SLCO3A1: variants seen among roughly 807,000 people sequenced by gnomAD.
SLCO3A1 encodes PGE1 transporter.
A neutral mutation model predicts 63.1 loss-of-function variants in SLCO3A1; 27 were observed. The observed-to-expected ratio is 0.43, with a 90% CI of 0.32 to 0.59. The LOEUF (loss-of-function observed/expected upper bound fraction) is 0.59, where lower values mean the gene tolerates loss of function less well. Ranked by LOEUF, SLCO3A1 falls within the 20% of genes least tolerant of loss-of-function variation. The pLI is 0.09. For synonymous variants in SLCO3A1, 473 were observed against 409.9 expected (o/e 1.15, Z -1.86); for missense variants, 773 against 945.8 (o/e 0.82, Z 2.40).
At position 91,854,170 on chromosome 15, in the gene SLCO3A1, C is replaced by G. The variant is rs1249882288; in HGVS notation, c.180+82C>G. 1 of 1,246,040 alleles carries G rather than the reference C, an allele frequency of 8.0e-7. No individual in the cohort carries two copies. The highest frequency in any genetic ancestry group is 1.0e-6 in the Non-Finnish European group (1 of 971,028). The allele number at this position is 1,246,040 out of a possible 1,614,324, so 77.2% of individuals were successfully genotyped here. On this transcript the variant is annotated intron_variant, in intron 1 of 9. Coordinates refer to ENST00000318445, the MANE Select transcript of SLCO3A1 (RefSeq NM_013272.4). The surrounding 1 kb of genome is among the most constrained non-coding windows in gnomAD (Gnocchi z 6.4). ...GCCGCCTGGCCCGACGAGGGGGCCG[C>G]CCGGCGCTGGGGGCAGGCGGGCATG...
intron 4 of SLCO3A1, among the ~76,000 whole-genome samples, chr15:92,114,132 A>G (rs1485062934): frequency 6.6e-6 from 1 of 152,196 alleles, no homozygotes; most frequent in East Asian, 1.9e-4. Flanking sequence ...ATGTAATGGC[A>G]GGGAACTGAC....
intron 7 of SLCO3A1, among the ~76,000 whole-genome samples, chr15:92,141,481 T>G (rs2048131265): frequency 6.6e-6 from 1 of 152,176 alleles, no homozygotes; most frequent in Non-Finnish European, 1.5e-5. Context: ...GGGTGAGAAT[T>G]AGGATCCCAG....
chr15:92,127,914 A>T (rs1231195690), intron 6 of SLCO3A1, among the ~76,000 whole-genome samples: 1 of 152,208 alleles, frequency 6.6e-6, no homozygotes, highest in African/African-American at 2.4e-5. Context: ...TCAGTGGTGC[A>T]GGCATAGCAG....
chr15:91,910,135 G>T (rs1379877059), intron 1 of SLCO3A1, among the ~76,000 whole-genome samples: 1 of 152,156 alleles, frequency 6.6e-6, no homozygotes, highest in Admixed American at 6.5e-5. Flanking sequence ...CCCAGGGGTG[G>T]TCTAAACTCT....
chr15:92,060,860 A>C (rs2047078963), intron 2 of SLCO3A1, among the ~76,000 whole-genome samples: 1 of 152,182 alleles, frequency 6.6e-6, no homozygotes, highest in Admixed American at 6.5e-5. Context: ...TTAAAAACTA[A>C]GATAAAACAT....
At chr15:92,051,048 ACT>A (rs1336206602) in intron 2 of SLCO3A1, among the ~76,000 whole-genome samples, 1 of 151,816 alleles carries the variant, frequency 6.6e-6, no homozygotes, top group Non-Finnish European at 1.5e-5. Flanking sequence ...GCCCCACGTC[ACT>A]CTGTCACATA....
intron 2 of SLCO3A1, among the ~76,000 whole-genome samples, chr15:91,999,620 G>C (rs966132644): frequency 6.6e-6 from 1 of 152,076 alleles, no homozygotes; most frequent in Non-Finnish European, 1.5e-5. Flanking sequence ...ATACAGGGAA[G>C]TGAGGATTTT....
chr15:91,854,065 CA>C lies in SLCO3A1; in HGVS notation c.158del (p.Gln53ArgfsTer9). On this transcript the variant is annotated frameshift_variant, in exon 1 of 10. Coordinates refer to ENST00000318445, the MANE Select transcript of SLCO3A1 (RefSeq NM_013272.4). LOFTEE classifies it high-confidence loss of function. The surrounding 1 kb of genome is among the most constrained non-coding windows in gnomAD (Gnocchi z 6.4). The part of the protein sequence containing the change: ...LVSECALMLA[Q>X]GTVGAYLVSV... ...GTCCGAGTGCGCCCTGATGCTGGCG[CA>C]GGGCACGGTGGGCGCCTACCTGGTG... The C allele has an allele frequency of 6.5e-7, 1 of 1,529,478 alleles. No homozygotes were observed. Among genetic ancestry groups the C allele is most frequent in the African/African-American group, 1.4e-5 (1 of 70,108 alleles). The allele number at this position is 1,529,478 out of a possible 1,614,324, so 94.7% of individuals were successfully genotyped here. A position where few individuals can be genotyped will look rare whatever the true frequency, so the allele number is the denominator to read the frequency against.
intron 4 of SLCO3A1, among the ~76,000 whole-genome samples, chr15:92,109,310 C>T (rs1461130342): frequency 3.3e-5 from 5 of 152,178 alleles, no homozygotes; most frequent in Non-Finnish European, 5.9e-5. Context: ...TGACAGTAAA[C>T]GGACACTCTC....
chr15:92,111,250 C>G (rs985934229), intron 4 of SLCO3A1, among the ~76,000 whole-genome samples: 2 of 152,210 alleles, frequency 1.3e-5, no homozygotes, highest in African/African-American at 4.8e-5. Context: ...GCATCTCAGC[C>G]TCCTCCATCC....
chr15:92,157,492 A>ATT lies in SLCO3A1; in HGVS notation c.1754-5248_1754-5247dup, dbSNP rs201261449. ...CTAAAACTTATGATGATGTGGAGAA[A>ATT]TTTTTTTTTTTTTTTTTGAGACCAG... On this transcript the variant is annotated intron_variant, in intron 9 of 9. Transcript: ENST00000318445. 4.7e-3 allele frequency among the ~76,000 whole-genome samples: 670 copies of ATT among 141,322 alleles called. 8 individuals carry two copies. The highest frequency in any genetic ancestry group is 0.016 in the African/African-American group (616 of 37,730). 92.7% of individuals were successfully genotyped at this position (141,322 alleles called of 152,430 possible).
intron 3 of SLCO3A1, among the ~76,000 whole-genome samples, chr15:92,096,430 G>A (rs1443049804): frequency 6.6e-6 from 1 of 152,228 alleles, no homozygotes; most frequent in African/African-American, 2.4e-5. Flanking sequence ...AGGCAGCAGG[G>A]ACTTTAGGGG....
At chr15:92,019,393 C>A (rs1233988666) in intron 2 of SLCO3A1, among the ~76,000 whole-genome samples, 2 of 152,204 alleles carry the variant, frequency 1.3e-5, no homozygotes, top group Non-Finnish European at 2.9e-5. Context: ...GCATGTAGCT[C>A]TTCCATGCTA....
intron 1 of SLCO3A1, among the ~76,000 whole-genome samples, chr15:91,908,011 A>G (rs140325663): frequency 2.0e-3 from 307 of 152,250 alleles, no homozygotes; most frequent in Admixed American, 4.5e-3. Flanking sequence ...GCACAACCCC[A>G]GGCATAACTG....
intron 2 of SLCO3A1, among the ~76,000 whole-genome samples, chr15:91,957,245 T>C: frequency 7.2e-6 from 1 of 138,642 alleles, no homozygotes; most frequent in Non-Finnish European, 1.5e-5. Flanking sequence ...CTGGCTAGGA[T>C]GACAGGCATG....
chr15:92,112,904 C>T (rs1181795429), intron 4 of SLCO3A1, among the ~76,000 whole-genome samples: 1 of 152,174 alleles, frequency 6.6e-6, no homozygotes, highest in Non-Finnish European at 1.5e-5. Context: ...ATTTCTCTTT[C>T]CAGGCTTTCC....
At chr15:92,000,402 TTAAA>T (rs2046239543) in intron 2 of SLCO3A1, among the ~76,000 whole-genome samples, 1 of 147,430 alleles carries the variant, frequency 6.8e-6, no homozygotes, top group African/African-American at 2.7e-5. Flanking sequence ...TCCTTTTTTT[TTAAA>T]AAAAAAAAAA....
At position 92,164,104 on chromosome 15, in the gene SLCO3A1, C is replaced by G; in HGVS notation, c.*969C>G. 1.0e-6 allele frequency: 1 copy of G among 978,844 alleles called. No individual in the cohort carries two copies. Among genetic ancestry groups the G allele is most frequent in the African/African-American group, 1.7e-5 (1 of 57,202 alleles). The allele number at this position is 978,844 out of a possible 1,614,324, so 60.6% of individuals were successfully genotyped here. A position where few individuals can be genotyped will look rare whatever the true frequency, so the allele number is the denominator to read the frequency against. On this transcript the variant is annotated 3_prime_UTR_variant, in exon 10 of 10. Transcript: ENST00000318445. ...TATAATCCTCTAATACTATTTTTAA[C>G]TACTTCTAAAATCTGTGTTAACCCT... is the stretch of plus-strand genomic sequence containing the variant.
intron 2 of SLCO3A1, among the ~76,000 whole-genome samples, chr15:91,995,839 C>G (rs1380131018): frequency 6.9e-6 from 1 of 145,240 alleles, no homozygotes; most frequent in East Asian, 2.0e-4. Context: ...GAAAATATTA[C>G]AAAGCAATAC....
Sources: gnomAD v4.1 joint callset for allele counts (sites outside exome capture counted in the v4.1 genomes callset) on GRCh38, gnomAD v4.1.1 for gene constraint, Gnocchi (gnomAD v3.1) non-coding constraint, MANE v1.5 for transcripts, NCBI Gene and HGNC (gene_info 2026-07-23, HGNC 2026-07-21) for gene names.